Variants in RAB22A observed in about 807,000 individuals in gnomAD.
RAB22A encodes ras-related protein Rab-22A.
RAB22A carries 13 observed loss-of-function variants against 30.2 expected under a neutral mutation model. The ratio of observed to expected loss-of-function variants is 0.43; its 90% CI spans 0.28 to 0.68. The LOEUF is 0.68. RAB22A is among the 30% of genes least tolerant of loss of function. The pLI, the probability that RAB22A is intolerant of heterozygous loss-of-function variation, is 0.18. For missense variants in RAB22A, 177 were observed against 246.8 expected (o/e 0.72, Z 1.89); for synonymous variants, 89 against 87.2 (o/e 1.02, Z -0.11).
In RAB22A at chr20:58,364,376, A is replaced by G. The variant is rs1267591811; in HGVS notation, c.*4673A>G. The G allele has an allele frequency of 6.6e-6, 1 of 152,202 alleles. No homozygotes were observed. The highest frequency in any genetic ancestry group is 1.5e-5 in the Non-Finnish European group (1 of 68,038). The allele number at this position is 152,202 out of a possible 1,614,324, so 9.4% of individuals were successfully genotyped here. A position where few individuals can be genotyped will look rare whatever the true frequency, so the allele number is the denominator to read the frequency against. ...ACTAATATCTGTTTTCTTTCCTTTT[A>G]GAGTATAATCAATTATGGATAGGCC... is the stretch of plus-strand genomic sequence containing the variant. On this transcript the variant is annotated 3_prime_UTR_variant, in exon 7 of 7. Transcript: ENST00000244040.
chr20:58,329,440 C>G (rs1250020496), intron 2 of RAB22A, among the ~76,000 whole-genome samples: 1 of 152,102 alleles, frequency 6.6e-6, no homozygotes, highest in Non-Finnish European at 1.5e-5. Context: ...TCTGTTTTAT[C>G]CTGGCCTTCG....
chr20:58,334,766 A>G (rs1381107658), intron 2 of RAB22A, among the ~76,000 whole-genome samples: 1 of 148,782 alleles, frequency 6.7e-6, no homozygotes, highest in Non-Finnish European at 1.5e-5. Context: ...TGTATTGGCT[A>G]GACCCTGTAG....
rs1987231487 is a variant in RAB22A, at chr20:58,361,795, C to T, written c.*2092C>T. On this transcript the variant is annotated 3_prime_UTR_variant, in exon 7 of 7. Transcript: ENST00000244040. ...ACCAAAAGATGGTGCAAATCTATGA[C>T]CTTCACATTTTTTCCACCACACCCA... 1 of 151,952 alleles carries T rather than the reference C, an allele frequency of 6.6e-6. No homozygotes were observed. The highest frequency in any genetic ancestry group is 1.5e-5 in the Non-Finnish European group (1 of 67,998). The allele number at this position is 151,952 out of a possible 1,614,324, so 9.4% of individuals were successfully genotyped here.
chr20:58,337,147 G>A (rs1347340825), intron 2 of RAB22A, among the ~76,000 whole-genome samples: 2 of 152,162 alleles, frequency 1.3e-5, no homozygotes, highest in Non-Finnish European at 2.9e-5. Flanking sequence ...CTCTTTTATA[G>A]TTCTGGAGGT....
chr20:58,334,079 G>A (rs780340392), intron 2 of RAB22A, among the ~76,000 whole-genome samples: 3 of 151,636 alleles, frequency 2.0e-5, no homozygotes, highest in Admixed American at 6.6e-5. Context: ...ACCTGTAATC[G>A]CAGCACTTTG....
chr20:58,333,258 G>A (rs552697959), intron 2 of RAB22A, among the ~76,000 whole-genome samples: 83 of 131,444 alleles, frequency 6.3e-4, no homozygotes, highest in African/African-American at 2.2e-3. Context: ...CAGCCTGGGC[G>A]ACAGAGTGAG....
In RAB22A at chr20:58,359,920, A is replaced by G; in HGVS notation, c.*217A>G. The stretch of plus-strand genomic sequence containing the variant: ...TATGTAAAGAATCTCTAGTGTACAA[A>G]GGGACTACATCGTTGGCTTTTGACC... On this transcript the variant is annotated 3_prime_UTR_variant, in exon 7 of 7. Coordinates refer to ENST00000244040, the MANE Select transcript of RAB22A (RefSeq NM_020673.3). 9.1e-6 allele frequency: 3 copies of G among 328,514 alleles called. No individual in the cohort carries two copies. The South Asian group carries it at 1.8e-4, about 19-fold the overall frequency. 20.3% of individuals were successfully genotyped at this position (328,514 alleles called of 1,614,324 possible). A position where few individuals can be genotyped will look rare whatever the true frequency, so the allele number is the denominator to read the frequency against.
chr20:58,331,040 G>T (rs997427647), intron 2 of RAB22A, among the ~76,000 whole-genome samples: 1 of 152,130 alleles, frequency 6.6e-6, no homozygotes, highest in Admixed American at 6.5e-5. Context: ...AACGCTGGTG[G>T]TTTGTCCTCA....
At chr20:58,337,524 G>A (rs1986778492) in intron 2 of RAB22A, among the ~76,000 whole-genome samples, 1 of 152,128 alleles carries the variant, frequency 6.6e-6, no homozygotes, top group Non-Finnish European at 1.5e-5. Flanking sequence ...CCTGCTCACA[G>A]TCTGTCCATT....
chr20:58,309,746 C>T lies in RAB22A; in HGVS notation c.-231C>T, dbSNP rs1986179406. 7.8e-6 allele frequency: 2 copies of T among 255,818 alleles called. No individual in the cohort carries two copies. The highest frequency in any genetic ancestry group is 1.5e-5 in the Non-Finnish European group (2 of 137,002). The allele number at this position is 255,818 out of a possible 1,614,324, so 15.8% of individuals were successfully genotyped here. On this transcript the variant is annotated 5_prime_UTR_variant, in exon 1 of 7. Transcript: ENST00000244040. ...CGCGGCCGGCGTCCCAAGATGGCGG[C>T]GGCGGCGGCTCCCGGAAGGCCGCGG...
intron 2 of RAB22A, among the ~76,000 whole-genome samples, chr20:58,331,266 A>T (rs747615907): frequency 6.6e-6 from 1 of 151,778 alleles, no homozygotes; most frequent in Non-Finnish European, 1.5e-5. Flanking sequence ...CCTATCTCAA[A>T]TTGCCACTCC....
chr20:58,343,555 T>G (rs748047461), intron 2 of RAB22A, among the ~76,000 whole-genome samples, 163 bp from the exon 3 acceptor site: 14 of 152,162 alleles, frequency 9.2e-5, no homozygotes, highest in Admixed American at 6.5e-4. Flanking sequence ...GGATATGCAC[T>G]CAGCATCTGA....
intron 2 of RAB22A, among the ~76,000 whole-genome samples, chr20:58,317,943 A>G (rs1433125319): frequency 6.6e-6 from 1 of 151,608 alleles, no homozygotes; most frequent in Admixed American, 6.6e-5. Context: ...GCAGCATCAA[A>G]CTCCTAAGCT....
At chr20:58,340,325 G>A (rs564497267) in intron 2 of RAB22A, among the ~76,000 whole-genome samples, 2 of 152,244 alleles carry the variant, frequency 1.3e-5, no homozygotes, top group South Asian at 4.1e-4. Flanking sequence ...CTTGGCAGAA[G>A]GCAGGAAGGA....
chr20:58,330,516 C>T (rs1222327673), intron 2 of RAB22A, among the ~76,000 whole-genome samples: 1 of 151,926 alleles, frequency 6.6e-6, no homozygotes, highest in Non-Finnish European at 1.5e-5. Flanking sequence ...TTGTACTGGA[C>T]ACTGCAGAAG....
At chr20:58,349,800 G>A (rs763041093) in intron 3 of RAB22A, among the ~76,000 whole-genome samples, 2 of 152,122 alleles carry the variant, frequency 1.3e-5, no homozygotes, top group African/African-American at 2.4e-5. Flanking sequence ...AAAACCAAGC[G>A]TCTACAGTGC....
chr20:58,311,241 G>A (rs1317927549), intron 2 of RAB22A, 119 bp downstream of exon 2: 15 of 946,628 alleles, frequency 1.6e-5, no homozygotes, highest in South Asian at 2.7e-5. Context: ...TCGCTGGTTC[G>A]CATCATCTCT....
chr20:58,324,637 G>A (rs1986523108), intron 2 of RAB22A, among the ~76,000 whole-genome samples: 1 of 152,038 alleles, frequency 6.6e-6, no homozygotes, highest in Non-Finnish European at 1.5e-5. Context: ...GGGAGGCCGA[G>A]GCGGGCAGAT....
chr20:58,354,335 G>C, intron 6 of RAB22A, 70 bp downstream of exon 6: 1 of 1,082,818 alleles, frequency 9.2e-7, no homozygotes, highest in East Asian at 2.6e-5. Flanking sequence ...TTCCTGGTTA[G>C]AATTCCTGTC....
Sources: allele counts gnomAD v4.1 joint callset (sites outside exome capture counted in the v4.1 genomes callset), GRCh38; gene constraint gnomAD v4.1.1; transcripts MANE v1.5; gene names NCBI Gene and HGNC (gene_info 2026-07-23, HGNC 2026-07-21).